The following CDH12 variants were observed in gnomAD, a reference collection of about 807,000 sequenced individuals.
CDH12 encodes the protein cadherin-12.
A neutral mutation model predicts 74.1 loss-of-function variants in CDH12; 41 were observed. The ratio of observed to expected loss-of-function variants is 0.55; its 90% CI spans 0.43 to 0.72. CDH12 has a LOEUF of 0.72. Ranked by LOEUF, CDH12 falls within the 30% of genes least tolerant of loss-of-function variation. The probability of loss-of-function intolerance (pLI) is 0.00; values close to 1 mark genes in which losing one functional copy is unlikely to be tolerated. For missense variants in CDH12, 945 were observed against 977.2 expected, an observed-to-expected ratio of 0.97 and a Z score of 0.44; for synonymous variants, 399 against 355.0, an observed-to-expected ratio of 1.12 and a Z score of -1.39.
At chr5:22,027,400 T>C (rs112363331) in intron 5 of CDH12, among the ~76,000 whole-genome samples, 1 of 152,204 alleles carries the variant, frequency 6.6e-6, no homozygotes, top group Non-Finnish European at 1.5e-5. Context: ...TACCAGTTCC[T>C]CCTTGTACCT....
At chr5:22,109,951 G>A (rs915420060) in intron 4 of CDH12, among the ~76,000 whole-genome samples, 2 of 152,158 alleles carry the variant, frequency 1.3e-5, no homozygotes, top group African/African-American at 2.4e-5. Flanking sequence ...ATAGTGAACT[G>A]GGCAAATAAT....
intron 3 of CDH12, among the ~76,000 whole-genome samples, chr5:22,303,855 A>T (rs2150421884): frequency 6.6e-6 from 1 of 152,256 alleles, no homozygotes; most frequent in Non-Finnish European, 1.5e-5. Context: ...TTGTTAAGTC[A>T]CCTGCTTGTA....
At chr5:22,287,591 C>T (rs927002527) in intron 3 of CDH12, among the ~76,000 whole-genome samples, 84 of 151,626 alleles carry the variant, frequency 5.5e-4, no homozygotes, top group African/African-American at 1.8e-3. Context: ...GGCGCGGTGG[C>T]GGGCGCCTGT....
At chr5:22,571,448 T>C (rs772371294) in intron 1 of CDH12, among the ~76,000 whole-genome samples, 5 of 152,168 alleles carry the variant, frequency 3.3e-5, no homozygotes, top group Admixed American at 2.0e-4. Flanking sequence ...TGCCTCAGCA[T>C]CCTGAATAGC....
chr5:22,682,339 T>C (rs998333404), intron 1 of CDH12, among the ~76,000 whole-genome samples: 2 of 152,118 alleles, frequency 1.3e-5, no homozygotes, highest in African/African-American at 2.4e-5. Context: ...ATAGTGCTAG[T>C]AAAACTTTTA....
At chr5:22,104,273 T>C (rs1174550684) in intron 4 of CDH12, among the ~76,000 whole-genome samples, 3 of 152,198 alleles carry the variant, frequency 2.0e-5, no homozygotes, top group African/African-American at 7.2e-5. Flanking sequence ...TATTGCAAAT[T>C]TCCTTGTAGG....
rs370807383 is a variant in CDH12 at position 22,819,991 on chromosome 5, A to G, written c.-523+33067T>C. On this transcript the variant is annotated intron_variant, in intron 1 of 14. Coordinates refer to ENST00000382254, the MANE Select transcript of CDH12 (RefSeq NM_004061.5). ...TATATACATATACATATATATACAT[A>G]TACATATATATACATATACATATAT... 1.4e-4 allele frequency among the ~76,000 whole-genome samples: 20 copies of G among 147,450 alleles called. No homozygotes were observed. In the South Asian group the frequency reaches 2.1e-3, roughly 15 times the overall value.
intron 6 of CDH12, among the ~76,000 whole-genome samples, chr5:21,921,394 A>G (rs866950644): frequency 2.6e-5 from 4 of 152,172 alleles, no homozygotes; most frequent in Admixed American, 2.0e-4. Context: ...TTATTCCTAC[A>G]AGGAAGTAGA....
At chr5:22,557,089 A>C (rs1314918545) in intron 1 of CDH12, among the ~76,000 whole-genome samples, 2 of 151,990 alleles carry the variant, frequency 1.3e-5, no homozygotes, top group African/African-American at 4.8e-5. Context: ...TCTTTCCCCT[A>C]TTGCAATAGT....
At chr5:22,490,473 C>T (rs1402475221) in intron 2 of CDH12, among the ~76,000 whole-genome samples, 3 of 151,380 alleles carry the variant, frequency 2.0e-5, no homozygotes, top group East Asian at 1.9e-4. Flanking sequence ...CATTTCATAT[C>T]GAGAACAGGA....
chr5:22,320,330 T>C (rs1382567118), intron 3 of CDH12, among the ~76,000 whole-genome samples: 2 of 152,296 alleles, frequency 1.3e-5, no homozygotes, highest in Admixed American at 1.3e-4. Flanking sequence ...TTACCACAAC[T>C]CAAAGTCACT....
At chr5:21,988,346 G>T (rs908973196) in intron 5 of CDH12, among the ~76,000 whole-genome samples, 1 of 151,932 alleles carries the variant, frequency 6.6e-6, no homozygotes, top group Non-Finnish European at 1.5e-5. Flanking sequence ...ACAAAAATTA[G>T]CCAGGTGTGG....
At chr5:21,844,231 G>T (rs543162368) in intron 7 of CDH12, among the ~76,000 whole-genome samples, 1 of 151,920 alleles carries the variant, frequency 6.6e-6, no homozygotes, top group South Asian at 2.1e-4. Flanking sequence ...ATAAAAATGG[G>T]GTACTATGAA....
At chr5:22,156,427 CA>C (rs1748026653) in intron 4 of CDH12, among the ~76,000 whole-genome samples, 1 of 151,986 alleles carries the variant, frequency 6.6e-6, no homozygotes, top group South Asian at 2.1e-4. Context: ...AAGTCTTACT[CA>C]ACTTGATGAA....
At chr5:22,288,706 A>T (rs558282179) in intron 3 of CDH12, among the ~76,000 whole-genome samples, 1 of 152,256 alleles carries the variant, frequency 6.6e-6, no homozygotes, top group African/African-American at 2.4e-5. Flanking sequence ...GGTGGACCAA[A>T]TTGTCTACAT....
intron 3 of CDH12, among the ~76,000 whole-genome samples, chr5:22,347,590 T>C (rs1205667068): frequency 2.0e-5 from 3 of 152,314 alleles, no homozygotes; most frequent in African/African-American, 4.8e-5. Context: ...TTTGAGTCAA[T>C]ACTCCTTAAT....
intron 1 of CDH12, among the ~76,000 whole-genome samples, chr5:22,751,508 A>G (rs1483920492): frequency 6.6e-6 from 1 of 151,972 alleles, no homozygotes; most frequent in Non-Finnish European, 1.5e-5. Flanking sequence ...TAGATGTCAC[A>G]TAAAATTGTT....
intron 3 of CDH12, among the ~76,000 whole-genome samples, chr5:22,292,848 A>G (rs1737453078): frequency 6.6e-6 from 1 of 152,160 alleles, no homozygotes. Flanking sequence ...AGTTTCCTCA[A>G]TGTTGGAAAC....
chr5:22,786,453 G>C (rs1206764177), intron 1 of CDH12, among the ~76,000 whole-genome samples: 1 of 152,184 alleles, frequency 6.6e-6, no homozygotes, highest in African/African-American at 2.4e-5. Context: ...AAGCTGGGCT[G>C]CTGAACACCT....
Sources: gnomAD v4.1 joint callset for allele counts (sites outside exome capture counted in the v4.1 genomes callset) on GRCh38, gnomAD v4.1.1 for gene constraint, MANE v1.5 for transcripts, NCBI Gene and HGNC (gene_info 2026-07-23, HGNC 2026-07-21) for gene names.